Variants in FBXL2 observed in about 807,000 individuals in gnomAD.
FBXL2 encodes the protein F-box and leucine rich repeat protein 2, also known as F-box/LRR-repeat protein 2.
FBXL2 carries 38 observed loss-of-function variants against 69.2 expected under a neutral mutation model. The ratio of observed to expected loss-of-function variants is 0.55; its 90% CI spans 0.42 to 0.72. The LOEUF is 0.72. Ranked by LOEUF, FBXL2 falls within the 30% of genes least tolerant of loss-of-function variation. The pLI is 0.00. For synonymous variants in FBXL2, 192 were observed against 201.3 expected (o/e 0.95, Z 0.39); for missense variants, 354 against 520.3 (o/e 0.68, Z 3.11).
chr3:33,350,856 G>T (rs1157817658), intron 2 of FBXL2, among the ~76,000 whole-genome samples: 2 of 152,048 alleles, frequency 1.3e-5, no homozygotes, highest in Non-Finnish European at 2.9e-5. Context: ...ATGTAATAAG[G>T]CAAGAAAAGA....
intron 1 of FBXL2, 71 bp downstream of exon 1, chr3:33,277,586 C>T: frequency 8.1e-7 from 1 of 1,241,388 alleles, no homozygotes; most frequent in Non-Finnish European, 1.0e-6. Context: ...CACGCCGCCG[C>T]CCGCTAGGGT....
chr3:33,346,365 G>A (rs1286571337), intron 2 of FBXL2, among the ~76,000 whole-genome samples: 4 of 152,098 alleles, frequency 2.6e-5, no homozygotes, highest in East Asian at 3.9e-4. Context: ...GTGTGAGATC[G>A]TGAGTTCAAG....
intron 1 of FBXL2, among the ~76,000 whole-genome samples, chr3:33,297,176 C>G (rs1194110982): frequency 1.3e-5 from 2 of 152,020 alleles, no homozygotes; most frequent in Non-Finnish European, 2.9e-5. Flanking sequence ...GGATTGTTTT[C>G]TGAAGTTTAT....
Position 33,277,451 on chromosome 3 carries a change from A to G in FBXL2, c.-62A>G. 1 of 1,260,862 alleles carries G rather than the reference A, an allele frequency of 7.9e-7. No homozygotes were observed. Among genetic ancestry groups the G allele is most frequent in the Non-Finnish European group, 1.0e-6 (1 of 996,774 alleles). 78.1% of individuals were successfully genotyped at this position (1,260,862 alleles called of 1,614,324 possible). On this transcript the variant is annotated 5_prime_UTR_variant, in exon 1 of 15. Transcript: ENST00000484457. ...GGGGCGCCTGGCTGGCGTCACCAGG[A>G]CAACGGGCGTCGCCGGCGCCGTGTG...
At chr3:33,385,460 AGTAATGT>A in intron 14 of FBXL2, 34 bp from the exon 15 acceptor site, 1 of 1,490,428 alleles carries the variant, frequency 6.7e-7, no homozygotes, top group Non-Finnish European at 9.4e-7. Context: ...TCCTAAAAAT[AGTAATGT>A]GTAAAGACTC....
chr3:33,385,524 C>T lies in FBXL2; in HGVS notation c.1188C>T (p.Val396=). Residue 396 remains valine (V), a synonymous_variant, in exon 15 of 15, where the codon GTC becomes GTT. Coordinates refer to ENST00000484457, the MANE Select transcript of FBXL2 (RefSeq NM_012157.5). The part of the protein sequence containing the change: ...RMRAQLPHVK[V]HAYFAPVTPP... ...AGGCTCAGCTCCCTCATGTCAAAGT[C>T]CACGCCTACTTTGCTCCCGTCACCC... 5.0e-6 allele frequency: 8 copies of T among 1,614,104 alleles called. No individual in the cohort carries two copies. Among genetic ancestry groups the T allele is most frequent in the Non-Finnish European group, 6.8e-6 (8 of 1,179,986 alleles).
rs200231804 is a variant in FBXL2 at position 33,387,611 on chromosome 3, TCAAAA to T, written c.*2013_*2017del. The T allele has an allele frequency of 8.9e-6, 1 of 112,456 alleles. No homozygotes were observed. The highest frequency in any genetic ancestry group is 3.7e-5 in the African/African-American group (1 of 26,920). 7.0% of individuals were successfully genotyped at this position (112,456 alleles called of 1,614,324 possible). On this transcript the variant is annotated 3_prime_UTR_variant, in exon 15 of 15. Transcript: ENST00000484457. ...ACAACAGTGAGACTCCATCATCATC[TCAAAA>T]CAAAACAAACAAACAAACAAAACAA...
chr3:33,358,841 T>C, intron 2 of FBXL2, 126 bp from the exon 3 acceptor site: 1 of 521,282 alleles, frequency 1.9e-6, no homozygotes, highest in Non-Finnish European at 3.4e-6. Flanking sequence ...ACTTGTATAT[T>C]TCAGATTGAG....
Position 33,385,672 on chromosome 3 carries a change from T to A in FBXL2, c.*64T>A. On this transcript the variant is annotated 3_prime_UTR_variant, in exon 15 of 15. Coordinates refer to ENST00000484457, the MANE Select transcript of FBXL2 (RefSeq NM_012157.5). The stretch of plus-strand genomic sequence containing the variant: ...TTCCTCTAGAAGACCTGAGTCTTCC[T>A]GACCGACTCCACCATCACCCAATCT... 7.9e-6 allele frequency: 10 copies of A among 1,271,082 alleles called. No homozygotes were observed. The highest frequency in any genetic ancestry group is 1.9e-4 in the Middle Eastern group (1 of 5,272). The allele number at this position is 1,271,082 out of a possible 1,614,324, so 78.7% of individuals were successfully genotyped here. A position where few individuals can be genotyped will look rare whatever the true frequency, so the allele number is the denominator to read the frequency against.
In FBXL2 at chr3:33,376,311, A is replaced by G. The variant is rs138508807; in HGVS notation, c.788+893A>G. Among the ~76,000 whole-genome samples, 627 of 152,348 alleles carry G rather than the reference A, an allele frequency of 4.1e-3. 6 individuals are homozygous for G. The Middle Eastern group carries it at 0.048, about 12-fold the overall frequency. ...CTTTATCCAAGAGGCAGAAAAAAAGATACTTTTTAAAAATCTCTACTTCCC... is the reference window on the plus strand; with the variant it reads ...CTTTATCCAAGAGGCAGAAAAAAAGGTACTTTTTAAAAATCTCTACTTCCC... On this transcript the variant is annotated intron_variant, in intron 10 of 14. Transcript: ENST00000484457.
chr3:33,342,003 T>TA (rs2040058529), intron 2 of FBXL2, among the ~76,000 whole-genome samples: 1 of 132,550 alleles, frequency 7.5e-6, no homozygotes, highest in Non-Finnish European at 1.6e-5. Flanking sequence ...CTTTTCTTTA[T>TA]CTTTTTTTTT....
chr3:33,277,653 G>T, intron 1 of FBXL2, 138 bp downstream of exon 1: 1 of 930,908 alleles, frequency 1.1e-6, no homozygotes, highest in East Asian at 3.4e-5. Context: ...GAGGCTGCTG[G>T]GCAGGGCAGG....
intron 2 of FBXL2, among the ~76,000 whole-genome samples, chr3:33,318,141 C>T (rs547727573): frequency 6.6e-6 from 1 of 152,112 alleles, no homozygotes; most frequent in South Asian, 2.1e-4. Context: ...GTTTCCTGTT[C>T]CCCATGGCTG....
At chr3:33,418,397 G>A in the FBXL2 span, among the ~76,000 whole-genome samples, 3,716 of 152,058 alleles carry the variant, frequency 0.024, 77 homozygotes, top group Admixed American at 0.058. Flanking sequence ...TGGGATTACA[G>A]GTGCCCGCCA....
In FBXL2 at chr3:33,384,204, A is replaced by T; in HGVS notation, c.1164+3A>T. 1 of 1,613,704 alleles carries T rather than the reference A, an allele frequency of 6.2e-7. No individual in the cohort carries two copies. Among genetic ancestry groups the T allele is most frequent in the Non-Finnish European group, 8.5e-7 (1 of 1,179,868 alleles). On this transcript the variant is annotated splice_donor_region_variant and intron_variant, in intron 14 of 14. Transcript: ENST00000484457. The stretch of plus-strand genomic sequence containing the variant: ...GTGCAGGCATCAAGCGGATGCGGGT[A>T]GGTATGGGGCAGGGGAGTCAGTCAC...
At chr3:33,309,640 G>C (rs1424532365) in intron 2 of FBXL2, among the ~76,000 whole-genome samples, 3 of 151,960 alleles carry the variant, frequency 2.0e-5, no homozygotes, top group Non-Finnish European at 2.9e-5. Context: ...GCTTATTACT[G>C]CCCCTTTGTT....
At chr3:33,293,700 T>A (rs1287148862) in intron 1 of FBXL2, among the ~76,000 whole-genome samples, 1 of 152,116 alleles carries the variant, frequency 6.6e-6, no homozygotes, top group Non-Finnish European at 1.5e-5. Flanking sequence ...GTCTTTGTAA[T>A]AACAGAAAAT....
intron 4 of FBXL2, among the ~76,000 whole-genome samples, chr3:33,363,238 A>G (rs1340586611): frequency 6.6e-6 from 1 of 152,126 alleles, no homozygotes; most frequent in Non-Finnish European, 1.5e-5. Context: ...AAAGGGTTTC[A>G]CCATGTTGGC....
At chr3:33,401,080 C>A in intron 12 of FBXL2, 2 of 1,430,912 alleles carry the variant, frequency 1.4e-6, no homozygotes, top group Non-Finnish European at 9.5e-7. Flanking sequence ...TTAATCAAGG[C>A]ATTAAAAGCT....
Sources: allele counts gnomAD v4.1 joint callset (sites outside exome capture counted in the v4.1 genomes callset), GRCh38; gene constraint gnomAD v4.1.1; transcripts MANE v1.5; gene names NCBI Gene and HGNC (gene_info 2026-07-23, HGNC 2026-07-21).